MECOM: variants seen among roughly 807,000 people sequenced by gnomAD.
MECOM encodes MDS1 and EVI1 complex locus, also known as histone-lysine N-methyltransferase MECOM.
Under a neutral mutation model 116.3 loss-of-function variants are expected in MECOM, and 13 were observed. That is an observed-to-expected ratio of 0.11 (90% confidence interval 0.07 to 0.18). The LOEUF (loss-of-function observed/expected upper bound fraction) is 0.18, where lower values mean the gene tolerates loss of function less well. Ranked by LOEUF, MECOM falls within the 10% of genes least tolerant of loss-of-function variation. The pLI is 1.00. For missense variants in MECOM, 1,299 were observed against 1,509.0 expected (o/e 0.86, Z 2.31); for synonymous variants, 528 against 535.2 (o/e 0.99, Z 0.19).
At chr3:169,221,495 C>A (rs189256522) in intron 2 of MECOM, among the ~76,000 whole-genome samples, 3 of 151,460 alleles carry the variant, frequency 2.0e-5, no homozygotes, top group East Asian at 2.0e-4. Context: ...GCCCAGTTAC[C>A]TTTAGCCCCC....
At chr3:169,367,538 C>T (rs896143955) in intron 2 of MECOM, among the ~76,000 whole-genome samples, 2 of 151,836 alleles carry the variant, frequency 1.3e-5, no homozygotes, top group Non-Finnish European at 2.9e-5. Context: ...GTGTATTTGC[C>T]TGTGTGTGTC....
Position 169,089,167 on chromosome 3 carries a change from A to G in MECOM, c.3418T>C (p.Tyr1140His). ...TSPVRYKEEEYKSGLSALDHI... is the reference protein window; with the variant it reads ...TSPVRYKEEEHKSGLSALDHI... ...TCTAGAGCAGAAAGTCCACTTTTAT[A>G]TTCTTCCTCTTTATACCTAAAATGA... The change falls in exon 16 of 17, where the codon TAT becomes CAT. Residue 1140 changes from tyrosine to histidine, a missense_variant. By Grantham distance (83) the Tyr-to-His change is moderately conservative. This residue lies in a region of MECOM where 273 missense variants were observed against 289.3 expected (regional missense o/e 0.94). Coordinates refer to ENST00000651503, the MANE Select transcript of MECOM (RefSeq NM_004991.4). 2 of 1,543,442 alleles carry G rather than the reference A, an allele frequency of 1.3e-6. No individual in the cohort carries two copies. The highest frequency in any genetic ancestry group is 1.7e-6 in the Non-Finnish European group (2 of 1,149,666).
chr3:169,357,897 G>T (rs1360311701), intron 2 of MECOM, among the ~76,000 whole-genome samples: 2 of 151,598 alleles, frequency 1.3e-5, no homozygotes, highest in Non-Finnish European at 3.0e-5. Context: ...TATTCTCTGG[G>T]CATTTTGCAA....
At chr3:169,397,587 C>T (rs961467951) in intron 1 of MECOM, among the ~76,000 whole-genome samples, 1 of 152,212 alleles carries the variant, frequency 6.6e-6, no homozygotes, top group Non-Finnish European at 1.5e-5. Flanking sequence ...TCTTGATGCT[C>T]TTCCATTGCT....
chr3:169,444,042 G>A (rs558995470), intron 1 of MECOM, among the ~76,000 whole-genome samples: 5 of 152,202 alleles, frequency 3.3e-5, no homozygotes, highest in Admixed American at 2.6e-4. Context: ...CTCTTTCTTC[G>A]TACTGATAGC....
intron 1 of MECOM, among the ~76,000 whole-genome samples, chr3:169,468,525 T>C (rs558050811): frequency 3.5e-4 from 53 of 152,330 alleles, no homozygotes; most frequent in Middle Eastern, 3.4e-3. Flanking sequence ...GCCTAGCTCA[T>C]AGTATACACT....
chr3:169,192,005 GC>G (rs1406038665), intron 2 of MECOM, among the ~76,000 whole-genome samples: 1 of 151,922 alleles, frequency 6.6e-6, no homozygotes, highest in African/African-American at 2.4e-5. Context: ...AATGGCATTA[GC>G]CGGTTTGTGT....
chr3:169,483,299 A>G (rs913810805), intron 1 of MECOM, among the ~76,000 whole-genome samples: 3 of 149,698 alleles, frequency 2.0e-5, no homozygotes, highest in Non-Finnish European at 4.4e-5. Context: ...TTAATGAATG[A>G]GAGAAGCCCA....
intron 2 of MECOM, chr3:169,146,207 A>AG (rs1440102270): frequency 3.9e-5 from 43 of 1,094,202 alleles, no homozygotes; most frequent in Non-Finnish European, 4.8e-5. Context: ...AGCAAAAGGA[A>AG]AAAAAAAAAA....
chr3:169,116,888 A>T, intron 7 of MECOM, 149 bp from the exon 8 acceptor site: 1 of 955,052 alleles, frequency 1.0e-6, no homozygotes, highest in Non-Finnish European at 1.5e-6. Context: ...AACACAGAAA[A>T]CCCCATTTCA....
At chr3:169,387,812 G>T (rs368170348) in intron 1 of MECOM, among the ~76,000 whole-genome samples, 1 of 151,936 alleles carries the variant, frequency 6.6e-6, no homozygotes, top group Non-Finnish European at 1.5e-5. Flanking sequence ...GAGATCCCAG[G>T]CAGACTGGTT....
At chr3:169,209,461 CA>C (rs1452845100) in intron 2 of MECOM, among the ~76,000 whole-genome samples, 1 of 152,012 alleles carries the variant, frequency 6.6e-6, no homozygotes, top group East Asian at 1.9e-4. Context: ...ACCCATCTGA[CA>C]AAGGGCTAAT....
chr3:169,127,719 T>G (rs568489199), intron 5 of MECOM, 125 bp downstream of exon 5: 60 of 718,072 alleles, frequency 8.4e-5, no homozygotes, highest in Non-Finnish European at 1.1e-4. Context: ...TTTCTGAACA[T>G]GTCACGAGTG....
intron 2 of MECOM, chr3:169,144,869 C>A: frequency 1.4e-6 from 1 of 700,192 alleles, no homozygotes; most frequent in South Asian, 1.9e-5. Flanking sequence ...TTAAATAACT[C>A]CTACAGATCT....
At chr3:169,524,039 AATAT>A (rs10575336) in intron 1 of MECOM, among the ~76,000 whole-genome samples, 15,305 of 138,160 alleles carry the variant, frequency 0.11, 933 homozygotes, top group Middle Eastern at 0.21. Context: ...TATATGAATA[AATAT>A]ATATATATAT....
chr3:169,376,445 A>C (rs28818882), intron 2 of MECOM, among the ~76,000 whole-genome samples: 7 of 152,194 alleles, frequency 4.6e-5, no homozygotes, highest in African/African-American at 1.7e-4. Flanking sequence ...GTCTAAGCCC[A>C]AAAACTCCTT....
chr3:169,327,302 G>A (rs1721996095), intron 2 of MECOM, among the ~76,000 whole-genome samples: 1 of 152,138 alleles, frequency 6.6e-6, no homozygotes, highest in Non-Finnish European at 1.5e-5. Flanking sequence ...GTATCTTTTA[G>A]CCAAATGGAT....
intron 1 of MECOM, among the ~76,000 whole-genome samples, chr3:169,481,539 C>T (rs1432144429): frequency 6.6e-6 from 1 of 151,588 alleles, no homozygotes; most frequent in Non-Finnish European, 1.5e-5. Flanking sequence ...GGTGACAGAG[C>T]AAGACTCTAT....
chr3:169,146,199 C>T (rs895112950), intron 2 of MECOM: 1 of 1,055,116 alleles, frequency 9.5e-7, no homozygotes, highest in African/African-American at 1.8e-5. Flanking sequence ...AAACCAACAG[C>T]AAAAGGAAAA....
Sources: allele counts gnomAD v4.1 joint callset (sites outside exome capture counted in the v4.1 genomes callset), GRCh38; gene constraint gnomAD v4.1.1; regional missense constraint gnomAD v4.1.1; transcripts MANE v1.5; gene names NCBI Gene and HGNC (gene_info 2026-07-23, HGNC 2026-07-21).